LEKR1: variants seen among roughly 807,000 people sequenced by gnomAD.
LEKR1 encodes leucine, glutamate and lysine rich 1.
LEKR1 carries 59 observed loss-of-function variants against 72.4 expected under a neutral mutation model. The ratio of observed to expected loss-of-function variants is 0.82; its 90% CI spans 0.66 to 1.01. The LOEUF (loss-of-function observed/expected upper bound fraction) is 1.01, where lower values mean the gene tolerates loss of function less well. Among genes scored for constraint, LEKR1 ranks in the 50% least tolerant of loss-of-function variants. The probability of loss-of-function intolerance (pLI) is 0.00; values close to 1 mark genes in which losing one functional copy is unlikely to be tolerated. For synonymous variants in LEKR1, 257 were observed against 263.2 expected, an observed-to-expected ratio of 0.98 and a Z score of 0.23; for missense variants, 728 against 759.2, an observed-to-expected ratio of 0.96 and a Z score of 0.48.
chr3:156,899,531 C>CATAT lies in LEKR1; in HGVS notation c.264-21043_264-21042insTATA, dbSNP rs1560064192. ...GTATATATACATACATACATATATA[C>CATAT]ACATATATACATATATACACATATA... On this transcript the variant is annotated intron_variant, in intron 3 of 12. Transcript: ENST00000356539. Among the ~76,000 whole-genome samples, 114 of 114,200 alleles carry CATAT rather than the reference C, an allele frequency of 1.0e-3. 2 individuals are homozygous for CATAT. Among genetic ancestry groups the CATAT allele is most frequent in the South Asian group, 1.5e-3 (5 of 3,334 alleles). 74.9% of individuals were successfully genotyped at this position (114,200 alleles called of 152,430 possible).
At chr3:157,031,303 G>A (rs1734590776) in intron 12 of LEKR1, among the ~76,000 whole-genome samples, 1 of 151,974 alleles carries the variant, frequency 6.6e-6, no homozygotes, top group African/African-American at 2.4e-5. Flanking sequence ...ACATTGGGTT[G>A]GTATATAAAT....
intron 12 of LEKR1, among the ~76,000 whole-genome samples, 164 bp downstream of exon 12, chr3:157,028,566 G>C (rs1734375904): frequency 6.6e-6 from 1 of 151,732 alleles, no homozygotes; most frequent in African/African-American, 2.4e-5. Flanking sequence ...ACATCCTGGT[G>C]CTCTGTCCTT....
chr3:156,990,982 A>G (rs1444388822), intron 7 of LEKR1, among the ~76,000 whole-genome samples: 2 of 152,218 alleles, frequency 1.3e-5, no homozygotes, highest in Admixed American at 6.5e-5. Context: ...GTATCAAATT[A>G]TACACTTTAA....
At chr3:157,011,184 T>C (rs1299430088) in intron 9 of LEKR1, among the ~76,000 whole-genome samples, 1 of 152,136 alleles carries the variant, frequency 6.6e-6, no homozygotes, top group African/African-American at 2.4e-5. Context: ...TAATATCTTA[T>C]TACTTATTAA....
chr3:157,043,179 C>A (rs965737372), intron 12 of LEKR1, among the ~76,000 whole-genome samples: 1 of 152,134 alleles, frequency 6.6e-6, no homozygotes, highest in Admixed American at 6.6e-5. Context: ...TGAGGCCTCC[C>A]TAGAAGCAGA....
chr3:156,992,485 G>A (rs1054176422), intron 7 of LEKR1, among the ~76,000 whole-genome samples, 168 bp from the exon 8 acceptor site: 1 of 152,168 alleles, frequency 6.6e-6, no homozygotes, highest in African/African-American at 2.4e-5. Context: ...CAGTCTGACA[G>A]AAGCTTTGTT....
chr3:157,013,574 T>C (rs928736268), intron 10 of LEKR1, among the ~76,000 whole-genome samples: 7 of 152,148 alleles, frequency 4.6e-5, no homozygotes, highest in African/African-American at 1.7e-4. Flanking sequence ...GTATATATTT[T>C]CTATAGTATA....
chr3:156,947,952 TTC>T (rs1010877653), intron 6 of LEKR1, among the ~76,000 whole-genome samples: 1 of 151,160 alleles, frequency 6.6e-6, no homozygotes, highest in African/African-American at 2.4e-5. Flanking sequence ...GTAAAAGTTT[TTC>T]TCTCTCTACT....
In LEKR1 at chr3:156,948,702, G is replaced by A. The variant is rs192756781; in HGVS notation, c.745+5988G>A. ...ATATACCCAATTATGGGATTACTGGGTCAAATGGTAGTTCTGCTTTTAGCT... is the reference window on the plus strand; with the variant it reads ...ATATACCCAATTATGGGATTACTGGATCAAATGGTAGTTCTGCTTTTAGCT... On this transcript the variant is annotated intron_variant, in intron 6 of 12. Coordinates refer to ENST00000356539, the MANE Select transcript of LEKR1 (RefSeq NM_001004316.3). Among the ~76,000 whole-genome samples, 22 of 151,570 alleles carry A rather than the reference G, an allele frequency of 1.5e-4. No individual in the cohort carries two copies. The East Asian group carries it at 3.9e-3, about 27-fold the overall frequency.
intron 3 of LEKR1, among the ~76,000 whole-genome samples, chr3:156,905,538 T>C (rs1319019708): frequency 1.3e-5 from 2 of 152,192 alleles, no homozygotes; most frequent in African/African-American, 4.8e-5. Flanking sequence ...TCTGGTCTTG[T>C]GCATTCTCTT....
chr3:156,850,680 G>C (rs9837038), intron 2 of LEKR1, among the ~76,000 whole-genome samples: 64,846 of 152,022 alleles, frequency 0.43, 16,071 homozygotes, highest in East Asian at 0.73. Flanking sequence ...AACAATTACA[G>C]GCCCAGTTGG....
At chr3:156,932,369 A>G (rs1241671352) in intron 5 of LEKR1, among the ~76,000 whole-genome samples, 1 of 152,238 alleles carries the variant, frequency 6.6e-6, no homozygotes, top group Non-Finnish European at 1.5e-5. Context: ...TTTGAAATTT[A>G]ACTTTAATAA....
At chr3:156,849,784 A>T (rs558906465) in intron 2 of LEKR1, among the ~76,000 whole-genome samples, 1 of 152,286 alleles carries the variant, frequency 6.6e-6, no homozygotes, top group South Asian at 2.1e-4. Flanking sequence ...CTTACATGTT[A>T]GACCTAAAAC....
intron 5 of LEKR1, among the ~76,000 whole-genome samples, chr3:156,936,077 TTG>T (rs1725674359): frequency 6.6e-6 from 1 of 152,196 alleles, no homozygotes; most frequent in Non-Finnish European, 1.5e-5. Flanking sequence ...GTATTTCTAG[TTG>T]TCTTTATTAT....
In LEKR1 at chr3:156,893,882, G is replaced by A. The variant is rs183047651; in HGVS notation, c.264-26693G>A. Among the ~76,000 whole-genome samples the A allele has an allele frequency of 1.1e-4, 16 of 152,276 alleles. No homozygotes were observed. In the East Asian group the frequency reaches 2.7e-3, roughly 26 times the overall value. ...ATCTGGGGCAGAAAATTGGCCTTGG[G>A]GTAATGGACATGGCCCAACTACCCC... On this transcript the variant is annotated intron_variant, in intron 3 of 12. Transcript: ENST00000356539.
At chr3:156,976,237 T>C (rs1729677045) in intron 6 of LEKR1, among the ~76,000 whole-genome samples, 1 of 152,210 alleles carries the variant, frequency 6.6e-6, no homozygotes, top group Admixed American at 6.5e-5. Context: ...AATTCTCAGG[T>C]AATTGAGAAT....
chr3:156,885,773 A>G (rs1719993687), intron 3 of LEKR1, among the ~76,000 whole-genome samples: 1 of 152,198 alleles, frequency 6.6e-6, no homozygotes, highest in South Asian at 2.1e-4. Context: ...TGTCACATGG[A>G]TACACTCAGG....
chr3:156,966,282 C>G (rs1307067454), intron 6 of LEKR1, among the ~76,000 whole-genome samples: 1 of 151,896 alleles, frequency 6.6e-6, no homozygotes, highest in Non-Finnish European at 1.5e-5. Flanking sequence ...AAATTGGGTG[C>G]AGGACAGTGG....
intron 2 of LEKR1, among the ~76,000 whole-genome samples, chr3:156,833,336 C>G (rs1187595960): frequency 6.6e-6 from 1 of 152,066 alleles, no homozygotes; most frequent in African/African-American, 2.4e-5. Flanking sequence ...TGTTAGAGTT[C>G]CATAGCTGAT....
Sources: gnomAD v4.1 joint callset for allele counts (sites outside exome capture counted in the v4.1 genomes callset) on GRCh38, gnomAD v4.1.1 for gene constraint, MANE v1.5 for transcripts, NCBI Gene and HGNC (gene_info 2026-07-23, HGNC 2026-07-21) for gene names.